ZDHHC11: variants seen among roughly 807,000 people sequenced by gnomAD.
ZDHHC11 encodes the protein zDHHC palmitoyltransferase 11, also known as palmitoyltransferase ZDHHC11.
ZDHHC11 carries 44 observed loss-of-function variants against 51.3 expected under a neutral mutation model. The ratio of observed to expected loss-of-function variants is 0.86; its 90% CI spans 0.67 to 1.10. The LOEUF (loss-of-function observed/expected upper bound fraction) is 1.10, where lower values mean the gene tolerates loss of function less well. Ranked by LOEUF, ZDHHC11 falls within the 50% of genes least tolerant of loss-of-function variation. ZDHHC11 has a pLI of 0.00. For missense variants in ZDHHC11, 400 were observed against 537.7 expected, an observed-to-expected ratio of 0.74 and a Z score of 2.53; for synonymous variants, 163 against 222.0, an observed-to-expected ratio of 0.73 and a Z score of 2.36.
rs1433039006 is a variant in ZDHHC11 at position 818,484 on chromosome 5, T to C, written c.1146+1041A>G. ...TCCCTGAAGTCCTGGGGAAGTGTGG[T>C]GAGGCGGCCCTGCCCCAACAGGGAA... On this transcript the variant is annotated intron_variant, in intron 10 of 12. Coordinates refer to ENST00000283441, the MANE Select transcript of ZDHHC11 (RefSeq NM_024786.3). Among the ~76,000 whole-genome samples, 10 of 151,664 alleles carry C rather than the reference T, an allele frequency of 6.6e-5. No homozygotes were observed. The East Asian group carries it at 1.2e-3, about 18-fold the overall frequency.
intron 3 of ZDHHC11, among the ~76,000 whole-genome samples, chr5:845,871 C>T (rs1746074147): frequency 6.7e-6 from 1 of 149,510 alleles, no homozygotes; most frequent in Admixed American, 6.6e-5. Flanking sequence ...GCGGTGTCTA[C>T]ACTTGGCACC....
Position 808,501 on chromosome 5 carries a change from T to C in ZDHHC11, c.1181+6260A>G, listed in dbSNP as rs548454352. Among the ~76,000 whole-genome samples the C allele has an allele frequency of 6.9e-4, 103 of 148,460 alleles. 1 individual carries two copies. Among genetic ancestry groups the C allele is most frequent in the African/African-American group, 2.4e-3 (96 of 40,658 alleles). On this transcript the variant is annotated intron_variant, in intron 11 of 12. Coordinates refer to ENST00000283441, the MANE Select transcript of ZDHHC11 (RefSeq NM_024786.3). ...ACTCAGTTCCCTTTGGACGTCTGCATGTGTCTCCAACACACTTACGTGTTC... is the reference window on the plus strand; with the variant it reads ...ACTCAGTTCCCTTTGGACGTCTGCACGTGTCTCCAACACACTTACGTGTTC...
chr5:802,822 ATAC>A (rs1738632122), intron 11 of ZDHHC11, among the ~76,000 whole-genome samples: 1 of 118,084 alleles, frequency 8.5e-6, no homozygotes, highest in Non-Finnish European at 1.7e-5. Context: ...AAATACAAAA[ATAC>A]AAAAAAAAAA....
intron 11 of ZDHHC11, among the ~76,000 whole-genome samples, chr5:803,802 A>G (rs896687132): frequency 8.6e-5 from 13 of 150,654 alleles, no homozygotes; most frequent in African/African-American, 3.2e-4. Context: ...TAGAGATAGA[A>G]ATTATATATT....
intron 11 of ZDHHC11, among the ~76,000 whole-genome samples, chr5:805,008 T>A (rs1163271564): frequency 6.6e-6 from 1 of 151,368 alleles, no homozygotes; most frequent in South Asian, 2.1e-4. Context: ...TTCTATATAA[T>A]TTAAAAGTCA....
rs773525570 is a variant in ZDHHC11 at position 850,365 on chromosome 5, A to G, written c.222+16T>C. The G allele has an allele frequency of 5.0e-6, 8 of 1,612,690 alleles. No homozygotes were observed. The Admixed American group carries it at 1.2e-4, about 24-fold the overall frequency. On this transcript the variant is annotated intron_variant, in intron 1 of 12. Coordinates refer to ENST00000283441, the MANE Select transcript of ZDHHC11 (RefSeq NM_024786.3). Reference sequence around the variant, plus strand: ...GAACCCCTCCCGCTTAGACCATGCCACGATGAAAAGGATACCACGTAGGCA... The same window carrying G: ...GAACCCCTCCCGCTTAGACCATGCCGCGATGAAAAGGATACCACGTAGGCA...
At chr5:813,875 G>C (rs1221412600) in intron 11 of ZDHHC11, among the ~76,000 whole-genome samples, 1 of 141,974 alleles carries the variant, frequency 7.0e-6, no homozygotes, top group Admixed American at 6.9e-5. Flanking sequence ...GACTGTGTGC[G>C]AGTGTGTGTG....
chr5:838,425 G>T (rs1195032393), intron 5 of ZDHHC11, among the ~76,000 whole-genome samples: 1 of 152,102 alleles, frequency 6.6e-6, no homozygotes, highest in African/African-American at 2.4e-5. Context: ...GACTGGGGCG[G>T]CCGCCCACAG....
chr5:830,112 G>T (rs199790982), intron 7 of ZDHHC11, among the ~76,000 whole-genome samples: 23 of 132,912 alleles, frequency 1.7e-4, no homozygotes, highest in African/African-American at 6.6e-4. Context: ...ACTTCCTTTC[G>T]ACACAGTACT....
chr5:821,643 A>AAAC (rs3833452), intron 9 of ZDHHC11, among the ~76,000 whole-genome samples: 35,596 of 150,026 alleles, frequency 0.24, 6,998 homozygotes, highest in African/African-American at 0.52. Flanking sequence ...ACCAGGAAAA[A>AAAC]AACAAATCAC....
intron 10 of ZDHHC11, among the ~76,000 whole-genome samples, chr5:815,065 T>C (rs1740600343): frequency 6.6e-6 from 1 of 151,272 alleles, no homozygotes; most frequent in Admixed American, 6.6e-5. Context: ...GACAGGGTCT[T>C]GAAAGAGGTA....
intron 3 of ZDHHC11, 101 bp downstream of exon 3, chr5:847,413 A>T: frequency 6.5e-7 from 1 of 1,531,136 alleles, no homozygotes; most frequent in Non-Finnish European, 8.9e-7. Context: ...CCCCAAGAGG[A>T]CCCTCCACCC....
At chr5:853,100 A>G (rs1326916716), upstream of ZDHHC11, among the ~76,000 whole-genome samples, 1 of 139,476 alleles carries the variant, frequency 7.2e-6, no homozygotes, top group African/African-American at 2.7e-5. Flanking sequence ...GCCAGGGGAC[A>G]CAGGCCCCAC....
At chr5:825,060 C>T (rs1365864264) in intron 8 of ZDHHC11, 104 bp downstream of exon 8, 46 of 1,175,862 alleles carry the variant, frequency 3.9e-5, no homozygotes, top group Non-Finnish European at 5.8e-5. Flanking sequence ...ACACAGAGTG[C>T]TTCCATTCTG....
intron 11 of ZDHHC11, among the ~76,000 whole-genome samples, chr5:809,313 C>T (rs1273496707): frequency 1.4e-5 from 2 of 141,100 alleles, no homozygotes; most frequent in African/African-American, 2.8e-5. Flanking sequence ...CCCTTCAGGA[C>T]CCTTCCTGTA....
chr5:840,024 T>C (rs1744524935), intron 5 of ZDHHC11: 2 of 591,268 alleles, frequency 3.4e-6, no homozygotes, highest in Non-Finnish European at 6.0e-6. Context: ...GTGCCCACTG[T>C]GAGACCAAGC....
chr5:841,999 C>T (rs553194498), intron 4 of ZDHHC11: 1 of 988,284 alleles, frequency 1.0e-6, no homozygotes, highest in Non-Finnish European at 1.2e-6. Flanking sequence ...ATGCTGCCCC[C>T]CTTAGCCAGT....
chr5:809,476 C>G (rs541922973), intron 11 of ZDHHC11, among the ~76,000 whole-genome samples: 5 of 149,858 alleles, frequency 3.3e-5, no homozygotes, highest in Middle Eastern at 3.4e-3. Flanking sequence ...AGTGAGATCT[C>G]ACTCTCAACT....
At chr5:817,156 T>G (rs1222775249) in intron 10 of ZDHHC11, among the ~76,000 whole-genome samples, 1 of 151,616 alleles carries the variant, frequency 6.6e-6, no homozygotes, top group Non-Finnish European at 1.5e-5. Context: ...GACACAGATA[T>G]GAGAAGTTGT....
Sources: allele counts gnomAD v4.1 joint callset (sites outside exome capture counted in the v4.1 genomes callset), GRCh38; gene constraint gnomAD v4.1.1; transcripts MANE v1.5; gene names NCBI Gene and HGNC (gene_info 2026-07-23, HGNC 2026-07-21).